HJURP: variants seen among roughly 807,000 people sequenced by gnomAD.
The protein encoded by HJURP is Holliday junction recognition protein.
In HJURP, 49 loss-of-function variants were observed where a neutral mutation model predicts 72.0. The ratio of observed to expected loss-of-function variants is 0.68; its 90% CI spans 0.54 to 0.86. HJURP has a LOEUF of 0.86. Ranked by LOEUF, HJURP falls within the 40% of genes least tolerant of loss-of-function variation. The pLI, the probability that HJURP is intolerant of heterozygous loss-of-function variation, is 0.00. For missense variants in HJURP, 908 were observed against 936.3 expected (o/e 0.97, Z 0.39); for synonymous variants, 357 against 347.1 (o/e 1.03, Z -0.32).
chr2:233,841,800 C>G lies in HJURP; in HGVS notation c.980G>C (p.Cys327Ser). The change falls in exon 8 of 9, where the codon TGC becomes TCC. Residue 327 changes from cysteine to serine, a missense_variant. Around this residue, in one of 3 missense-constraint regions of HJURP, gnomAD observed 598 missense variants for 619.5 expected, o/e 0.97. Transcript: ENST00000411486. ...QRSSKENFIP[C>S]SEPVKGTGAL... ...CCCTGTCCCTTTCACAGGCTCAGAG[C>G]AGGGTATGAAGTTCTCCTTGGAGCT... 6.2e-7 allele frequency: 1 copy of G among 1,614,148 alleles called. No individual in the cohort carries two copies.
intron 7 of HJURP, among the ~76,000 whole-genome samples, chr2:233,843,584 A>T (rs2124966100): frequency 6.6e-6 from 1 of 152,306 alleles, no homozygotes; most frequent in Non-Finnish European, 1.5e-5. Context: ...ATAATATGAA[A>T]GGTGACCATG....
In HJURP at chr2:233,850,002, G is replaced by C. The variant is rs1189247208; in HGVS notation, c.241-143C>G. The stretch of plus-strand genomic sequence containing the variant: ...CACAAGGCTTCTCTTCTCCCTGCAT[G>C]TCCACTTTATAAGAGGCCTCAAGAG... On this transcript the variant is annotated intron_variant, in intron 3 of 8. Transcript: ENST00000411486. The C allele has an allele frequency of 2.9e-5, 18 of 624,930 alleles. No individual in the cohort carries two copies. In the East Asian group the frequency reaches 5.0e-4, roughly 17 times the overall value. 38.7% of individuals were successfully genotyped at this position (624,930 alleles called of 1,614,324 possible). A position where few individuals can be genotyped will look rare whatever the true frequency, so the allele number is the denominator to read the frequency against.
At chr2:233,848,079 A>G (rs1453664476) in intron 4 of HJURP, among the ~76,000 whole-genome samples, 2 of 152,138 alleles carry the variant, frequency 1.3e-5, no homozygotes, top group African/African-American at 2.4e-5. Context: ...AGAGCTTTCC[A>G]ATTCTACTCT....
chr2:233,842,010 T>A lies in HJURP; in HGVS notation c.770A>T (p.Asn257Ile). The change falls in exon 8 of 9, where the codon AAT becomes ATT. Residue 257 changes from asparagine to isoleucine, a missense_variant. Around this residue, in one of 3 missense-constraint regions of HJURP, gnomAD observed 598 missense variants for 619.5 expected, o/e 0.97. Coordinates refer to ENST00000411486, the MANE Select transcript of HJURP (RefSeq NM_018410.5). ...SQPFEDDDIC[N>I]VTISDLYAGM... ...TGCGTACAGGTCACTGATGGTCACA[T>A]TGCAAATGTCATCATCTTCAAAGGG... The A allele has an allele frequency of 1.9e-6, 3 of 1,614,230 alleles. No homozygotes were observed. Among genetic ancestry groups the A allele is most frequent in the Non-Finnish European group, 2.5e-6 (3 of 1,180,042 alleles).
Position 233,851,723 on chromosome 2 carries a change from G to C in HJURP, c.240+842C>G, listed in dbSNP as rs549460651. Among the ~76,000 whole-genome samples the C allele has an allele frequency of 7.2e-5, 11 of 152,324 alleles. No homozygotes were observed. The South Asian group carries it at 2.3e-3, about 32-fold the overall frequency. On this transcript the variant is annotated intron_variant, in intron 3 of 8. Coordinates refer to ENST00000411486, the MANE Select transcript of HJURP (RefSeq NM_018410.5). ...ATCACATTGTACTAAAATAGCATTA[G>C]TGACCATCTTTGCAGAGAGGAATCA...
At chr2:233,852,663 C>T (rs559671186) in intron 2 of HJURP, 43 bp from the exon 3 acceptor site, 51 of 1,399,310 alleles carry the variant, frequency 3.6e-5, no homozygotes, top group South Asian at 7.0e-5. Flanking sequence ...TAATCCTGAA[C>T]GCTGAACTTC....
intron 2 of HJURP, among the ~76,000 whole-genome samples, chr2:233,853,448 G>A (rs1705542143): frequency 6.6e-6 from 1 of 152,226 alleles, no homozygotes; most frequent in African/African-American, 2.4e-5. Flanking sequence ...TTCACAGTGC[G>A]GGGCGGGGTA....
In HJURP at chr2:233,837,339, C is replaced by G; in HGVS notation, c.*238G>C. 1 of 337,422 alleles carries G rather than the reference C, an allele frequency of 3.0e-6. No homozygotes were observed. Among genetic ancestry groups the G allele is most frequent in the Non-Finnish European group, 5.4e-6 (1 of 186,480 alleles). The allele number at this position is 337,422 out of a possible 1,614,324, so 20.9% of individuals were successfully genotyped here. Reference sequence around the variant, plus strand: ...AAATAACCCCCCCCCAAAAAAAACACACACATCAGAAAAACAGGCCTATCA... The same window carrying G: ...AAATAACCCCCCCCCAAAAAAAACAGACACATCAGAAAAACAGGCCTATCA... On this transcript the variant is annotated 3_prime_UTR_variant, in exon 9 of 9. Coordinates refer to ENST00000411486, the MANE Select transcript of HJURP (RefSeq NM_018410.5).
rs1289067430 is a variant in HJURP, at chr2:233,852,624, A to T, written c.185-4T>A. ...CTTCCACCCCAAATTCTCAATCCTG[A>T]AGAAAAGAAACAAAAATGACCATTT... On this transcript the variant is annotated splice_region_variant and splice_polypyrimidine_tract_variant and intron_variant, in intron 2 of 8. Coordinates refer to ENST00000411486, the MANE Select transcript of HJURP (RefSeq NM_018410.5). 4.4e-6 allele frequency: 7 copies of T among 1,597,430 alleles called. No homozygotes were observed. The highest frequency in any genetic ancestry group is 6.0e-6 in the Non-Finnish European group (7 of 1,164,752).
In HJURP at chr2:233,837,580, C is replaced by A. The variant is rs1240029390; in HGVS notation, c.2244G>T (p.Val748=). ...FMLEKLETKS[V] ...ATAACACTCCGAAATAACCTAGCTA[C>A]ACACTTTTAGTTTCCAATTTTTCTA... Residue 748 remains valine, a synonymous_variant, in exon 9 of 9, where the codon GTG becomes GTT. Transcript: ENST00000411486. 1 of 1,599,778 alleles carries A rather than the reference C, an allele frequency of 6.3e-7. No individual in the cohort carries two copies. Among genetic ancestry groups the A allele is most frequent in the Non-Finnish European group, 8.6e-7 (1 of 1,167,672 alleles).
rs771119613 is a variant in HJURP, at chr2:233,841,417, G to A, written c.1363C>T (p.Arg455Trp). 17 of 1,614,156 alleles carry A rather than the reference G, an allele frequency of 1.1e-5. No individual in the cohort carries two copies. Among genetic ancestry groups the A allele is most frequent in the Non-Finnish European group, 1.3e-5 (15 of 1,180,018 alleles). ...GCCCAGGAGTCCGGGAGGCACATCC[G>A]GCGAGGCTGGTTCCTGGGACTCAGG... ...YCLSPRNQPR[R>W]MCLPDSWAMN... Residue 455 changes from arginine to tryptophan, a missense_variant, in exon 8 of 9, where the codon CGG becomes TGG. This residue lies in a region of HJURP where 598 missense variants were observed against 619.5 expected (regional missense o/e 0.97). Transcript: ENST00000411486.
rs1574645361 is a variant in HJURP, at chr2:233,844,293, G to A, written c.496-10C>T. On this transcript the variant is annotated splice_polypyrimidine_tract_variant and intron_variant, in intron 6 of 8. Transcript: ENST00000411486. ...CTCTGTTACCTGCACACTGAAATCAGAGCCAGTGGTTACAAGAAAAAAGTT... is the reference window on the plus strand; with the variant it reads ...CTCTGTTACCTGCACACTGAAATCAAAGCCAGTGGTTACAAGAAAAAAGTT... The A allele has an allele frequency of 6.2e-7, 1 of 1,613,496 alleles. No individual in the cohort carries two copies. Among genetic ancestry groups the A allele is most frequent in the South Asian group, 1.1e-5 (1 of 91,064 alleles).
At chr2:233,838,577 G>A (rs576827812) in intron 8 of HJURP, among the ~76,000 whole-genome samples, 111 of 152,154 alleles carry the variant, frequency 7.3e-4, no homozygotes, top group African/African-American at 2.6e-3. Context: ...GGAAGAGCTG[G>A]GGCACTATCT....
chr2:233,842,219 T>C lies in HJURP; in HGVS notation c.575-14A>G, dbSNP rs770780400. On this transcript the variant is annotated splice_polypyrimidine_tract_variant and intron_variant, in intron 7 of 8. Transcript: ENST00000411486. ...GACTGCAGTATCCTGGGAGAAAAGATACACATAAAGTAAAGGTGTGTTACC... is the reference window on the plus strand; with the variant it reads ...GACTGCAGTATCCTGGGAGAAAAGACACACATAAAGTAAAGGTGTGTTACC... 2 of 1,586,962 alleles carry C rather than the reference T, an allele frequency of 1.3e-6. No homozygotes were observed. The highest frequency in any genetic ancestry group is 8.6e-7 in the Non-Finnish European group (1 of 1,166,798).
In HJURP at chr2:233,854,410, T is replaced by G. The variant is rs778036593; in HGVS notation, c.91A>C (p.Arg31=). ...TTCTCTATCAGCCGCTGCATGCGCC[T>G]CTGGAAGCGGCGGCGACTGGCCCTG... The part of the protein sequence containing the change: ...KLRASRRRFQ[R]RMQRLIEKYN... The change falls in exon 1 of 9, where the codon AGG becomes CGG. Residue 31 remains arginine (R), a synonymous_variant. Coordinates refer to ENST00000411486, the MANE Select transcript of HJURP (RefSeq NM_018410.5). 14 of 1,607,116 alleles carry G rather than the reference T, an allele frequency of 8.7e-6. No homozygotes were observed. The highest frequency in any genetic ancestry group is 1.0e-5 in the Non-Finnish European group (12 of 1,177,678).
chr2:233,837,615 C>T lies in HJURP; in HGVS notation c.2209G>A (p.Asp737Asn), dbSNP rs548519674. ...NTSYRMEEKS[D>N]FMLEKLETKS... ...GTTTCCAATTTTTCTAGCATGAAAT[C>T]ACTTTTCTCTTCCATCCTGTAAGAC... Residue 737 changes from aspartate to asparagine, a missense_variant, in exon 9 of 9, where the codon GAT becomes AAT. This residue lies in a region of HJURP where 598 missense variants were observed against 619.5 expected (regional missense o/e 0.97). Coordinates refer to ENST00000411486, the MANE Select transcript of HJURP (RefSeq NM_018410.5). The T allele has an allele frequency of 1.2e-6, 2 of 1,611,586 alleles. No individual in the cohort carries two copies. The highest frequency in any genetic ancestry group is 1.7e-6 in the Non-Finnish European group (2 of 1,178,400).
In HJURP at chr2:233,841,022, C is replaced by T. The variant is rs1205497984; in HGVS notation, c.1758G>A (p.Lys586=). The change falls in exon 8 of 9, where the codon AAG becomes AAA. Residue 586 remains lysine, a synonymous_variant. Transcript: ENST00000411486. ...RYDEIKEEFD[K]LHQKYCLKSP... is the part of the protein sequence containing the mutation. ...ATTTGAGGCAATACTTTTGATGAAG[C>T]TTGTCAAATTCTTCTTTAATTTCAT... The T allele has an allele frequency of 6.2e-7, 1 of 1,614,182 alleles. No homozygotes were observed. The highest frequency in any genetic ancestry group is 1.1e-5 in the South Asian group (1 of 91,082).
At chr2:233,844,996 G>A (rs562661110) in intron 6 of HJURP, among the ~76,000 whole-genome samples, 1 of 152,148 alleles carries the variant, frequency 6.6e-6, no homozygotes, top group African/African-American at 2.4e-5. Flanking sequence ...CCTCTCAGCA[G>A]GCGGGACAGG....
chr2:233,843,170 CA>C, intron 7 of HJURP, among the ~76,000 whole-genome samples: 1 of 152,028 alleles, frequency 6.6e-6, no homozygotes, highest in African/African-American at 2.4e-5. Context: ...CTCTTTTGAG[CA>C]GAATAATGCC....
Sources: gnomAD v4.1 joint callset for allele counts (sites outside exome capture counted in the v4.1 genomes callset) on GRCh38, gnomAD v4.1.1 for gene constraint, gnomAD v4.1.1 regional missense constraint, MANE v1.5 for transcripts, NCBI Gene and HGNC (gene_info 2026-07-23, HGNC 2026-07-21) for gene names.